The following CNBD1 variants were observed in gnomAD, a reference collection of about 807,000 sequenced individuals.
The protein encoded by CNBD1 is cyclic nucleotide binding domain containing 1, also known as cyclic nucleotide-binding domain-containing protein 1.
A neutral mutation model predicts 54.4 loss-of-function variants in CNBD1; 71 were observed. The observed-to-expected ratio is 1.30, with a 90% CI of 1.08 to 1.59. CNBD1 has a LOEUF of 1.59. Ranked by LOEUF, CNBD1 falls within the 40% of genes most tolerant of loss-of-function variation. CNBD1 has a pLI of 0.00. For missense variants in CNBD1, 659 were observed against 518.0 expected (o/e 1.27, Z -2.64); for synonymous variants, 182 against 170.7 (o/e 1.07, Z -0.51).
intron 4 of CNBD1, among the ~76,000 whole-genome samples, chr8:87,032,479 AATC>A (rs1809816170): frequency 6.6e-6 from 1 of 152,196 alleles, no homozygotes; most frequent in Non-Finnish European, 1.5e-5. Flanking sequence ...AGTGGAAGTG[AATC>A]ATCATAAAAG....
intron 10 of CNBD1, among the ~76,000 whole-genome samples, chr8:87,368,531 G>T (rs1166598836): frequency 6.6e-6 from 1 of 151,800 alleles, no homozygotes. Flanking sequence ...CCAGCTACTT[G>T]GTGGACTAAG....
At chr8:86,965,463 C>T (rs1374126161) in intron 4 of CNBD1, among the ~76,000 whole-genome samples, 2 of 152,128 alleles carry the variant, frequency 1.3e-5, no homozygotes, top group Non-Finnish European at 2.9e-5. Context: ...GGGGGATTAA[C>T]AGTGTCCTCC....
At chr8:87,108,163 C>A (rs1811580519) in intron 4 of CNBD1, among the ~76,000 whole-genome samples, 1 of 152,110 alleles carries the variant, frequency 6.6e-6, no homozygotes, top group Non-Finnish European at 1.5e-5. Flanking sequence ...AGTGACATTA[C>A]ACTCATATTT....
Position 87,320,969 on chromosome 8 carries a change from T to A in CNBD1, c.1043-30716T>A, listed in dbSNP as rs548310057. 1.8e-4 allele frequency among the ~76,000 whole-genome samples: 28 copies of A among 152,248 alleles called. 1 individual carries two copies. The East Asian group carries it at 5.2e-3, about 28-fold the overall frequency. ...TAGTGGAATCATGCAGTATTTGTCC[T>A]CCTGTGACTGGCTTATTTCACTTAG... is the stretch of plus-strand genomic sequence containing the variant. On this transcript the variant is annotated intron_variant, in intron 8 of 10. Transcript: ENST00000518476.
At chr8:87,372,709 TA>T (rs1810838849) in intron 10 of CNBD1, among the ~76,000 whole-genome samples, 1 of 151,910 alleles carries the variant, frequency 6.6e-6, no homozygotes, top group Non-Finnish European at 1.5e-5. Context: ...CAATGATTAT[TA>T]AAATTCTCAA....
intron 4 of CNBD1, among the ~76,000 whole-genome samples, chr8:86,960,635 G>C (rs942748412): frequency 1.3e-5 from 2 of 152,176 alleles, no homozygotes; most frequent in Non-Finnish European, 2.9e-5. Context: ...GAACAGAGTA[G>C]TGGTTCTCCC....
At chr8:86,994,954 G>C (rs1407214112) in intron 4 of CNBD1, among the ~76,000 whole-genome samples, 1 of 152,044 alleles carries the variant, frequency 6.6e-6, no homozygotes, top group Non-Finnish European at 1.5e-5. Context: ...GGCCTTTTTG[G>C]GGCTGTGATA....
At chr8:87,146,621 T>C (rs1198126105) in intron 4 of CNBD1, among the ~76,000 whole-genome samples, 2 of 152,146 alleles carry the variant, frequency 1.3e-5, no homozygotes, top group Non-Finnish European at 2.9e-5. Context: ...GCTGAGCCAT[T>C]ATCCTACTTA....
chr8:87,422,232 C>T (rs1164145946), intron 2 of CNBD1, among the ~76,000 whole-genome samples: 2 of 146,334 alleles, frequency 1.4e-5, no homozygotes, highest in Non-Finnish European at 3.0e-5. Flanking sequence ...GTTGCCTGTT[C>T]ACTCTGATGG....
intron 4 of CNBD1, among the ~76,000 whole-genome samples, chr8:86,963,803 G>A (rs1298102398): frequency 1.3e-5 from 2 of 152,124 alleles, no homozygotes. Flanking sequence ...GCTCCTGGAT[G>A]GCAATGACAG....
chr8:86,957,768 T>A (rs1807816564), intron 4 of CNBD1, among the ~76,000 whole-genome samples: 1 of 152,202 alleles, frequency 6.6e-6, no homozygotes, highest in South Asian at 2.1e-4. Context: ...TGTTGATCTT[T>A]TCAAAAAACC....
intron 4 of CNBD1, among the ~76,000 whole-genome samples, chr8:87,112,418 C>G (rs1244531947): frequency 1.3e-5 from 2 of 152,054 alleles, no homozygotes; most frequent in East Asian, 3.9e-4. Flanking sequence ...CAATTAAGTC[C>G]TAGTCTTGGT....
At chr8:87,265,347 C>T (rs1009779073) in intron 6 of CNBD1, among the ~76,000 whole-genome samples, 6 of 152,104 alleles carry the variant, frequency 3.9e-5, no homozygotes, top group African/African-American at 7.2e-5. Flanking sequence ...TCTGTTCTGT[C>T]CCACTGGTCT....
intron 4 of CNBD1, among the ~76,000 whole-genome samples, chr8:87,141,041 TTC>T (rs1292658386): frequency 1.3e-5 from 2 of 152,182 alleles, no homozygotes; most frequent in African/African-American, 4.8e-5. Flanking sequence ...TAATAAAATA[TTC>T]TGTCAACGTT....
At chr8:86,969,817 CACACATAT>C (rs1192698085) in intron 4 of CNBD1, among the ~76,000 whole-genome samples, 2 of 149,580 alleles carry the variant, frequency 1.3e-5, no homozygotes, top group Non-Finnish European at 3.0e-5. Flanking sequence ...CACACACACA[CACACATAT>C]ATATAGTGTG....
At chr8:86,958,804 A>G (rs1035448283) in intron 4 of CNBD1, among the ~76,000 whole-genome samples, 1 of 152,114 alleles carries the variant, frequency 6.6e-6, no homozygotes, top group Non-Finnish European at 1.5e-5. Context: ...TGTGTCTTTT[A>G]TTTGGAGCAT....
At chr8:86,940,673 T>C (rs1222963023) in intron 4 of CNBD1, among the ~76,000 whole-genome samples, 5 of 152,092 alleles carry the variant, frequency 3.3e-5, no homozygotes, top group Non-Finnish European at 5.9e-5. Flanking sequence ...ATTAAACTTG[T>C]AAGCTGAAAA....
At chr8:87,265,877 G>A (rs1808245967) in intron 6 of CNBD1, among the ~76,000 whole-genome samples, 1 of 151,954 alleles carries the variant, frequency 6.6e-6, no homozygotes, top group African/African-American at 2.4e-5. Context: ...TAAAATATTA[G>A]AAAACATTCT....
chr8:87,249,608 A>G (rs1807873804), intron 6 of CNBD1, among the ~76,000 whole-genome samples: 1 of 152,200 alleles, frequency 6.6e-6, no homozygotes, highest in Admixed American at 6.5e-5. Flanking sequence ...CACCATTATT[A>G]GTTTAAAGCA....
Sources: gnomAD v4.1 joint callset for allele counts (sites outside exome capture counted in the v4.1 genomes callset) on GRCh38, gnomAD v4.1.1 for gene constraint, MANE v1.5 for transcripts, NCBI Gene and HGNC (gene_info 2026-07-23, HGNC 2026-07-21) for gene names.